The following DGKB variants were observed in gnomAD, a reference collection of about 807,000 sequenced individuals.
DGKB encodes diacylglycerol kinase beta.
In DGKB, 67 loss-of-function variants were observed where a neutral mutation model predicts 114.3. The ratio of observed to expected loss-of-function variants is 0.59; its 90% confidence interval spans 0.48 to 0.72. The LOEUF is 0.72. DGKB is among the 30% of genes least tolerant of loss of function. DGKB has a pLI of 0.00. For missense variants in DGKB, 907 were observed against 975.2 expected (o/e 0.93, Z 0.93); for synonymous variants, 398 against 323.1 (o/e 1.23, Z -2.49).
chr7:14,739,056 G>T (rs1050099629), intron 4 of DGKB, among the ~76,000 whole-genome samples: 1 of 152,198 alleles, frequency 6.6e-6, no homozygotes. Flanking sequence ...TCTTTACAGA[G>T]CCTTTCAGAA....
chr7:14,916,719 C>T (rs2128245513), intron 1 of DGKB, among the ~76,000 whole-genome samples: 1 of 152,208 alleles, frequency 6.6e-6, no homozygotes, highest in South Asian at 2.1e-4. Context: ...TCTATAACAG[C>T]TATTGACAGC....
intron 21 of DGKB, among the ~76,000 whole-genome samples, chr7:14,453,577 T>C (rs978242500): frequency 3.9e-5 from 6 of 152,148 alleles, no homozygotes; most frequent in African/African-American, 1.4e-4. Context: ...TCGTTCTCTG[T>C]ATGACAGAAC....
At chr7:14,427,221 G>A (rs1456348283) in intron 21 of DGKB, among the ~76,000 whole-genome samples, 8 of 152,030 alleles carry the variant, frequency 5.3e-5, no homozygotes, top group Admixed American at 3.9e-4. Flanking sequence ...AAACCTGTAC[G>A]TCCTGAACAG....
intron 23 of DGKB, among the ~76,000 whole-genome samples, chr7:14,193,529 A>G (rs1373238595): frequency 3.3e-5 from 5 of 152,230 alleles, no homozygotes; most frequent in Non-Finnish European, 7.3e-5. Context: ...GACTCATGTT[A>G]TGTACAAAAA....
chr7:14,583,581 A>G (rs1800278107), intron 17 of DGKB, among the ~76,000 whole-genome samples: 1 of 152,184 alleles, frequency 6.6e-6, no homozygotes, highest in Non-Finnish European at 1.5e-5. Flanking sequence ...GTCTTTAACA[A>G]TGTTCTACTT....
At chr7:14,779,799 C>A (rs1389565567) in intron 2 of DGKB, among the ~76,000 whole-genome samples, 1 of 152,070 alleles carries the variant, frequency 6.6e-6, no homozygotes, top group East Asian at 1.9e-4. Flanking sequence ...TTCTGATTGG[C>A]ACTTTATAAC....
chr7:14,724,688 G>A (rs565200455), intron 5 of DGKB, among the ~76,000 whole-genome samples: 1 of 152,306 alleles, frequency 6.6e-6, no homozygotes, highest in Middle Eastern at 3.4e-3. Context: ...TTTGTACAGT[G>A]GTCTTATTTG....
chr7:14,855,109 G>A (rs1291169110), intron 1 of DGKB, among the ~76,000 whole-genome samples: 1 of 152,120 alleles, frequency 6.6e-6, no homozygotes, highest in Non-Finnish European at 1.5e-5. Context: ...CAAATTCAAG[G>A]TGTGAAATGA....
intron 21 of DGKB, among the ~76,000 whole-genome samples, chr7:14,456,080 G>A (rs1279687826): frequency 6.6e-6 from 1 of 151,954 alleles, no homozygotes; most frequent in Non-Finnish European, 1.5e-5. Context: ...AATTCAACAC[G>A]TAAGTACTTA....
At chr7:14,455,027 G>A (rs1174707371) in intron 21 of DGKB, among the ~76,000 whole-genome samples, 1 of 151,978 alleles carries the variant, frequency 6.6e-6, no homozygotes, top group African/African-American at 2.4e-5. Flanking sequence ...TTTTTCATAT[G>A]ACATCAGAAG....
At chr7:14,531,345 A>C (rs191271926) in intron 20 of DGKB, among the ~76,000 whole-genome samples, 1 of 151,642 alleles carries the variant, frequency 6.6e-6, no homozygotes, top group African/African-American at 2.4e-5. Flanking sequence ...GGAATTTATA[A>C]ATAAGTTTGG....
chr7:14,484,074 A>G (rs1584298865), intron 20 of DGKB, among the ~76,000 whole-genome samples: 1 of 150,402 alleles, frequency 6.6e-6, no homozygotes, highest in African/African-American at 2.5e-5. Context: ...ATAATATTTT[A>G]ATTCTTTCTT....
At chr7:14,371,646 T>C (rs1405034287) in intron 21 of DGKB, among the ~76,000 whole-genome samples, 1 of 152,180 alleles carries the variant, frequency 6.6e-6, no homozygotes, top group Non-Finnish European at 1.5e-5. Flanking sequence ...AGGTTGATAG[T>C]TTCTTTTGCT....
Position 14,583,097 on chromosome 7 carries a change from C to G in DGKB, c.1474G>C (p.Ala492Pro). 1 of 1,613,396 alleles carries G rather than the reference C, an allele frequency of 6.2e-7. No individual in the cohort carries two copies. Among genetic ancestry groups the G allele is most frequent in the Non-Finnish European group, 8.5e-7 (1 of 1,179,612 alleles). ...FRDVPDFRVL[A>P]CGGDGTVGWV... The stretch of plus-strand genomic sequence containing the variant: ...CCCACGGTTCCATCTCCACCACAGG[C>G]TAACACTCTGAAGTCAGGAACATCA... The change falls in exon 18 of 26, where the codon GCC becomes CCC. Residue 492 changes from alanine to proline, a missense_variant. Physicochemically the swap from Ala to Pro is conservative, Grantham distance 27. Coordinates refer to ENST00000402815, the MANE Select transcript of DGKB (RefSeq NM_001350709.2).
chr7:14,774,020 TTTTG>T (rs1415853450), intron 2 of DGKB, among the ~76,000 whole-genome samples: 1 of 152,080 alleles, frequency 6.6e-6, no homozygotes, highest in Non-Finnish European at 1.5e-5. Context: ...CTGCCTTGGT[TTTTG>T]TTTGATTGTT....
chr7:14,661,168 CA>C (rs1387628124), intron 13 of DGKB, among the ~76,000 whole-genome samples: 6 of 151,670 alleles, frequency 4.0e-5, no homozygotes, highest in African/African-American at 1.2e-4. Context: ...TCTAAAACAC[CA>C]AAAGCAATGG....
At chr7:14,852,487 C>CAAAAAAAAAAAAACAAACAAAAAA in intron 1 of DGKB, among the ~76,000 whole-genome samples, 1 of 63,636 alleles carries the variant, frequency 1.6e-5, no homozygotes, top group Non-Finnish European at 3.0e-5. Context: ...TAGTGAAAGT[C>CAAAAAAAAAAAAACAAACAAAAAA]AAAAAAAAAA....
chr7:14,644,427 C>T (rs1319778906), intron 13 of DGKB, among the ~76,000 whole-genome samples: 1 of 152,032 alleles, frequency 6.6e-6, no homozygotes, highest in African/African-American at 2.4e-5. Context: ...AATTATCTTT[C>T]AAAAATTCAG....
chr7:14,768,086 T>G (rs537236250), intron 2 of DGKB, among the ~76,000 whole-genome samples: 24 of 152,130 alleles, frequency 1.6e-4, no homozygotes, highest in African/African-American at 5.5e-4. Flanking sequence ...CCTGTGAGCA[T>G]ATACATTTTA....
Sources: gnomAD v4.1 joint callset for allele counts (sites outside exome capture counted in the v4.1 genomes callset) on GRCh38, gnomAD v4.1.1 for gene constraint, MANE v1.5 for transcripts, NCBI Gene and HGNC (gene_info 2026-07-23, HGNC 2026-07-21) for gene names.